The following MTTP variants were observed in gnomAD, a reference collection of about 807,000 sequenced individuals.
MTTP encodes the protein microsomal triglyceride transfer protein.
Under a neutral mutation model 90.6 loss-of-function variants are expected in MTTP, and 49 were observed. The observed-to-expected ratio is 0.54, with a 90% CI of 0.43 to 0.69. The LOEUF (loss-of-function observed/expected upper bound fraction) is 0.69. Ranked by LOEUF, MTTP falls within the 30% of genes least tolerant of loss-of-function variation. MTTP has a pLI of 0.00. For synonymous variants in MTTP, 347 were observed against 384.2 expected (o/e 0.90, Z 1.13); for missense variants, 945 against 1,067.5 (o/e 0.89, Z 1.60).
At chr4:99,580,035 CAAAAAAA>C (rs34092272) in intron 1 of MTTP, among the ~76,000 whole-genome samples, 1 of 60,620 alleles carries the variant, frequency 1.6e-5, no homozygotes, top group Admixed American at 2.0e-4. Context: ...GACCCTGTCT[CAAAAAAA>C]AAAAAAAAAA....
intron 10 of MTTP, among the ~76,000 whole-genome samples, chr4:99,605,130 G>A (rs1560622427): frequency 6.6e-6 from 1 of 151,952 alleles, no homozygotes; most frequent in African/African-American, 2.4e-5. Flanking sequence ...AAATAGTAAT[G>A]TGGTTCAAAA....
At chr4:99,575,287 G>A (rs1724929585) in intron 1 of MTTP, among the ~76,000 whole-genome samples, 1 of 152,172 alleles carries the variant, frequency 6.6e-6, no homozygotes, top group Non-Finnish European at 1.5e-5. Flanking sequence ...ATTGTTACCT[G>A]CTGTTGTTGG....
At chr4:99,614,061 A>G (rs1726030316) in intron 15 of MTTP, among the ~76,000 whole-genome samples, 1 of 152,202 alleles carries the variant, frequency 6.6e-6, no homozygotes, top group Non-Finnish European at 1.5e-5. Flanking sequence ...TTATATTGAG[A>G]ATATATAAGG....
chr4:99,600,265 T>C (rs1385500826), intron 8 of MTTP, among the ~76,000 whole-genome samples: 1 of 152,168 alleles, frequency 6.6e-6, no homozygotes, highest in Non-Finnish European at 1.5e-5. Context: ...ATTGTATTTA[T>C]ATAATTTTTA....
chr4:99,619,385 C>T (rs1407678466), intron 16 of MTTP, among the ~76,000 whole-genome samples: 2 of 152,020 alleles, frequency 1.3e-5, no homozygotes, highest in Admixed American at 1.3e-4. Flanking sequence ...TTTGGTATTC[C>T]ACCAAGAGAA....
At chr4:99,580,436 G>A (rs567334869) in intron 1 of MTTP, among the ~76,000 whole-genome samples, 5 of 151,392 alleles carry the variant, frequency 3.3e-5, no homozygotes, top group Non-Finnish European at 5.9e-5. Context: ...TTAGCCAGGC[G>A]TGGTGGCACA....
At chr4:99,569,719 T>C (rs180927857) in intron 1 of MTTP, among the ~76,000 whole-genome samples, 1 of 152,028 alleles carries the variant, frequency 6.6e-6, no homozygotes, top group Non-Finnish European at 1.5e-5. Context: ...TAATCCTTTT[T>C]CTGTGCTCAT....
At chr4:99,601,301 T>TTTACTCATACATAAAAA (rs761564425) in intron 9 of MTTP, among the ~76,000 whole-genome samples, 3,677 of 151,162 alleles carry the variant, frequency 0.024, 90 homozygotes, top group Non-Finnish European at 0.033. Context: ...ATACATAAAA[T>TTTACTCATACATAAAAA]TTTATAACCC....
chr4:99,583,736 G>T, intron 3 of MTTP: 2 of 618,458 alleles, frequency 3.2e-6, no homozygotes, highest in Non-Finnish European at 2.8e-6. Flanking sequence ...CTATTTTTCT[G>T]GAAATCTTTA....
intron 15 of MTTP, among the ~76,000 whole-genome samples, chr4:99,613,967 A>G (rs1726027677): frequency 6.6e-6 from 1 of 152,332 alleles, no homozygotes; most frequent in South Asian, 2.1e-4. Context: ...TTCACTAAGC[A>G]TAGCAACATA....
chr4:99,604,993 C>A (rs1378954526), intron 10 of MTTP, among the ~76,000 whole-genome samples: 1 of 152,098 alleles, frequency 6.6e-6, no homozygotes, highest in Non-Finnish European at 1.5e-5. Flanking sequence ...TGGATTAATT[C>A]TTTTTCATTC....
chr4:99,603,713 A>T (rs1255684364), intron 10 of MTTP, among the ~76,000 whole-genome samples: 1 of 152,078 alleles, frequency 6.6e-6, no homozygotes, highest in Non-Finnish European at 1.5e-5. Flanking sequence ...GGCCATGTTA[A>T]GTTCAAAATC....
chr4:99,620,791 T>A, intron 16 of MTTP: 1 of 468,924 alleles, frequency 2.1e-6, no homozygotes, highest in Non-Finnish European at 3.9e-6. Context: ...TACAAAACAA[T>A]GTAGTATCTT....
At chr4:99,580,574 CAAAAAAAAA>C (rs563138284) in intron 1 of MTTP, among the ~76,000 whole-genome samples, 5 of 39,900 alleles carry the variant, frequency 1.3e-4, no homozygotes, top group Admixed American at 3.7e-4. Context: ...GACTCTGTCT[CAAAAAAAAA>C]AAAAAAAAAA....
chr4:99,569,013 TTTCC>T (rs1724772591), intron 1 of MTTP, among the ~76,000 whole-genome samples: 1 of 152,084 alleles, frequency 6.6e-6, no homozygotes, highest in African/African-American at 2.4e-5. Flanking sequence ...GTACATAGCA[TTTCC>T]TTCCAAAGAG....
In MTTP at chr4:99,601,704, G is replaced by A; in HGVS notation, c.1334G>A (p.Cys445Tyr). ...LVRKLCQNEG[C>Y]KLKAVVEAKK... Reference sequence around the variant, plus strand: ...AGAAAGTTGTGTCAGAATGAAGGCTGCAAACTCAAAGTAAGTGCAAATCCA... The same window carrying A: ...AGAAAGTTGTGTCAGAATGAAGGCTACAAACTCAAAGTAAGTGCAAATCCA... The change falls in exon 10 of 18, where the codon TGC (cysteine) becomes TAC (tyrosine). Residue 445 changes from cysteine to tyrosine, a missense_variant. Physicochemically the swap from Cys to Tyr is radical, Grantham distance 194. Transcript: ENST00000265517. 1.2e-6 allele frequency: 2 copies of A among 1,611,272 alleles called. No individual in the cohort carries two copies. Among genetic ancestry groups the A allele is most frequent in the Non-Finnish European group, 1.7e-6 (2 of 1,177,742 alleles).
Position 99,612,981 on chromosome 4 carries a change from T to G in MTTP, c.2058T>G (p.Leu686=), listed in dbSNP as rs551810173. ...CCCCTGACGAGGGGGAGGAGAACCT[T>G]GACTCCTATGCTGGTATGTCAGCCA... is the stretch of plus-strand genomic sequence containing the variant. ...AATPDEGEEN[L]DSYAGMSAIL... The change falls in exon 15 of 18, where the codon CTT becomes CTG. Residue 686 remains leucine (L), a synonymous_variant. Coordinates refer to ENST00000265517, the MANE Select transcript of MTTP (RefSeq NM_001386140.1). The G allele has an allele frequency of 5.0e-6, 8 of 1,614,072 alleles. No individual in the cohort carries two copies. The Admixed American group carries it at 5.0e-5, about 10-fold the overall frequency.
intron 12 of MTTP, 88 bp downstream of exon 12, chr4:99,609,065 T>A: frequency 1.6e-6 from 2 of 1,273,862 alleles, no homozygotes; most frequent in Non-Finnish European, 2.3e-6. Flanking sequence ...AATGATGTGG[T>A]CATTATGCAG....
chr4:99,570,789 T>A (rs1445942400), upstream of MTTP: 1 of 455,476 alleles, frequency 2.2e-6, no homozygotes, highest in Non-Finnish European at 4.4e-6. Context: ...AGGATTCAGC[T>A]TACTCTTGCT....
Sources: allele counts gnomAD v4.1 joint callset (sites outside exome capture counted in the v4.1 genomes callset), GRCh38; gene constraint gnomAD v4.1.1; transcripts MANE v1.5; gene names NCBI Gene and HGNC (gene_info 2026-07-23, HGNC 2026-07-21).